Variants in APOLD1 observed in about 807,000 individuals in gnomAD.
APOLD1 encodes apolipoprotein L domain containing 1.
A neutral mutation model predicts 15.3 loss-of-function variants in APOLD1; 22 were observed. The observed-to-expected ratio is 1.44, with a 90% CI of 1.03 to 2.05. APOLD1 has a LOEUF of 2.05. APOLD1 is among the 30% of genes most tolerant of loss of function. APOLD1 has a pLI of 0.00. For synonymous variants in APOLD1, 190 were observed against 167.4 expected (o/e 1.13, Z -1.04); for missense variants, 394 against 353.5 (o/e 1.11, Z -0.92).
At chr12:12,742,504 C>T (rs905637308) in intron 1 of APOLD1, among the ~76,000 whole-genome samples, 38 of 152,298 alleles carry the variant, frequency 2.5e-4, no homozygotes, top group African/African-American at 8.9e-4. Flanking sequence ...CGGTGGCTCA[C>T]GCCTGTAATC....
intron 1 of APOLD1, among the ~76,000 whole-genome samples, chr12:12,739,051 TA>T (rs2136372347): frequency 6.6e-6 from 1 of 152,334 alleles, no homozygotes; most frequent in Admixed American, 6.5e-5. Flanking sequence ...GAACTGACTG[TA>T]AAACTGGTGG....
intron 1 of APOLD1, among the ~76,000 whole-genome samples, chr12:12,740,128 C>T (rs1445084051): frequency 4.6e-5 from 7 of 152,032 alleles, no homozygotes; most frequent in East Asian, 1.9e-4. Flanking sequence ...ACTACAGGTG[C>T]GTGCCACTAC....
chr12:12,762,370 C>T (rs1195921475), intron 1 of APOLD1, among the ~76,000 whole-genome samples: 1 of 151,690 alleles, frequency 6.6e-6, no homozygotes, highest in Non-Finnish European at 1.5e-5. Flanking sequence ...TTATTTTTTT[C>T]CGAGATGGAG....
chr12:12,739,698 T>G (rs920041885), intron 1 of APOLD1, among the ~76,000 whole-genome samples: 2 of 152,188 alleles, frequency 1.3e-5, no homozygotes, highest in African/African-American at 4.8e-5. Flanking sequence ...TTTTATACCT[T>G]TAATTACATG....
intron 1 of APOLD1, among the ~76,000 whole-genome samples, chr12:12,767,771 G>A (rs1565434228): frequency 6.6e-6 from 1 of 151,604 alleles, no homozygotes; most frequent in South Asian, 2.1e-4. Flanking sequence ...AAGGAGGTGA[G>A]TAGGTTATAC....
chr12:12,770,274 A>G lies in APOLD1; in HGVS notation c.97-16635A>G, dbSNP rs56722383. 7.4e-3 allele frequency among the ~76,000 whole-genome samples: 1,130 copies of G among 152,204 alleles called. 14 individuals are homozygous for G. The highest frequency in any genetic ancestry group is 0.025 in the African/African-American group (1,058 of 41,528). On this transcript the variant is annotated intron_variant, in intron 1 of 1. Coordinates refer to the APOLD1 transcript ENST00000326765. ...ACAAAAATTAGCCGGGCATGGTGGCACATGCCTGTAACCCCAGCTACTCAG... is the reference window on the plus strand; with the variant it reads ...ACAAAAATTAGCCGGGCATGGTGGCGCATGCCTGTAACCCCAGCTACTCAG...
intron 1 of APOLD1, among the ~76,000 whole-genome samples, chr12:12,766,920 G>T (rs987219031): frequency 6.6e-6 from 1 of 152,168 alleles, no homozygotes; most frequent in African/African-American, 2.4e-5. Flanking sequence ...TGGTAAATCA[G>T]CTGGCATATA....
At chr12:12,771,348 C>G (rs940202079) in intron 1 of APOLD1, 3 of 266,722 alleles carry the variant, frequency 1.1e-5, no homozygotes, top group South Asian at 1.1e-4. Flanking sequence ...CCCTTATGGC[C>G]ATCAGTTTGT....
At position 12,753,484 on chromosome 12, in the gene APOLD1, G is replaced by A. The variant is rs544062606; in HGVS notation, c.96+27388G>A. On this transcript the variant is annotated intron_variant, in intron 1 of 1. Coordinates refer to the APOLD1 transcript ENST00000326765. ...TTGAGACCAGCCTGGGCAACATGGC[G>A]AGACTACGTCACTACAAAAAAATAA... is the stretch of plus-strand genomic sequence containing the variant. Among the ~76,000 whole-genome samples the A allele has an allele frequency of 1.5e-4, 23 of 152,172 alleles. No homozygotes were observed. The South Asian group carries it at 2.5e-3, about 16-fold the overall frequency.
upstream of APOLD1, among the ~76,000 whole-genome samples, chr12:12,781,986 T>G (rs1294997718): frequency 2.0e-5 from 3 of 151,218 alleles, no homozygotes; most frequent in Non-Finnish European, 4.4e-5. Flanking sequence ...TGGCTGGCCA[T>G]GGTGGCTCAC....
At chr12:12,726,332 C>G (rs1278972961) in intron 1 of APOLD1, 2 of 625,554 alleles carry the variant, frequency 3.2e-6, no homozygotes, top group Non-Finnish European at 5.8e-6. Flanking sequence ...AAAACAAACT[C>G]AAGATACGAA....
At chr12:12,754,614 A>G (rs112011028) in intron 1 of APOLD1, among the ~76,000 whole-genome samples, 12,557 of 152,000 alleles carry the variant, frequency 0.083, 571 homozygotes, top group South Asian at 0.16. Context: ...TATTTTTAGT[A>G]GAGACGGGGT....
At chr12:12,736,538 TAAATA>T (rs746640738) in intron 1 of APOLD1, among the ~76,000 whole-genome samples, 18 of 152,122 alleles carry the variant, frequency 1.2e-4, no homozygotes, top group African/African-American at 2.2e-4. Context: ...AAAGAATAAA[TAAATA>T]AAATAAAATA....
At chr12:12,737,322 T>A (rs1226116783) in intron 1 of APOLD1, among the ~76,000 whole-genome samples, 1 of 152,060 alleles carries the variant, frequency 6.6e-6, no homozygotes, top group Non-Finnish European at 1.5e-5. Flanking sequence ...GAAGCTATAA[T>A]GGCTGTGACC....
intron 1 of APOLD1, among the ~76,000 whole-genome samples, chr12:12,730,094 G>GAC (rs1565424366): frequency 1.0e-4 from 15 of 150,150 alleles, no homozygotes; most frequent in South Asian, 4.3e-4. Flanking sequence ...GAGAGAGAGA[G>GAC]AGACAGACAG....
rs544274591 is a variant in APOLD1 at position 12,747,405 on chromosome 12, C to A, written c.96+21309C>A. On this transcript the variant is annotated intron_variant, in intron 1 of 1. Coordinates refer to the APOLD1 transcript ENST00000326765. The stretch of plus-strand genomic sequence containing the variant: ...TGCTCCTGAGCTGTGATTTAATTGG[C>A]AAATTTGGGGAAAATAAAGTGAGCA... 5.3e-5 allele frequency among the ~76,000 whole-genome samples: 8 copies of A among 152,302 alleles called. No homozygotes were observed. In the South Asian group the frequency reaches 6.2e-4, roughly 12 times the overall value.
intron 1 of APOLD1, among the ~76,000 whole-genome samples, chr12:12,740,902 T>C (rs961961201): frequency 6.6e-6 from 1 of 152,168 alleles, no homozygotes; most frequent in Non-Finnish European, 1.5e-5. Context: ...TTTGGGAGGC[T>C]GAGGCAGGAG....
At chr12:12,771,699 G>T (rs2136392442) in intron 1 of APOLD1, 1 of 425,438 alleles carries the variant, frequency 2.4e-6, no homozygotes, top group East Asian at 6.4e-5. Flanking sequence ...GCCAAGGGTT[G>T]GGCACTTCCT....
chr12:12,786,630 C>T (rs527395644), intron 1 of APOLD1: 1 of 983,626 alleles, frequency 1.0e-6, no homozygotes, highest in African/African-American at 1.7e-5. Context: ...CTGATGAAGC[C>T]CATCGTTAAC....
Sources: allele counts gnomAD v4.1 joint callset (sites outside exome capture counted in the v4.1 genomes callset), GRCh38; gene constraint gnomAD v4.1.1; transcripts MANE v1.5; gene names NCBI Gene and HGNC (gene_info 2026-07-23, HGNC 2026-07-21).